Variants in DMD observed in about 807,000 individuals in gnomAD.
The protein encoded by DMD is dystrophin, also known as mutant dystrophin.
In DMD, 63 loss-of-function variants were observed where a neutral mutation model predicts 330.1. The ratio of observed to expected loss-of-function variants is 0.19; its 90% confidence interval spans 0.16 to 0.24. The LOEUF (loss-of-function observed/expected upper bound fraction) is 0.24. Among genes scored for constraint, DMD ranks in the 10% least tolerant of loss-of-function variants. DMD has a pLI of 1.00. For missense variants in DMD, 3,344 were observed against 2,684.1 expected, an observed-to-expected ratio of 1.25 and a Z score of -5.43; for synonymous variants, 1,223 against 959.8, an observed-to-expected ratio of 1.27 and a Z score of -5.07.
chrX:32,573,260 T>C (rs1225258668), intron 15 of DMD, among the ~76,000 whole-genome samples: 2 of 112,124 alleles, frequency 1.8e-5, no homozygotes, highest in East Asian at 5.6e-4. Flanking sequence ...CACAGACATT[T>C]CTTAGTATTA....
At chrX:31,989,813 CTA>C (rs2095537397) in intron 44 of DMD, among the ~76,000 whole-genome samples, 3 of 110,842 alleles carry the variant, frequency 2.7e-5, no homozygotes, top group African/African-American at 9.9e-5. Context: ...TTTTTAATCT[CTA>C]TTTTTAATGT....
intron 30 of DMD, among the ~76,000 whole-genome samples, chrX:32,398,240 G>T (rs973809631): frequency 9.9e-6 from 1 of 101,187 alleles, no homozygotes; most frequent in Non-Finnish European, 2.0e-5. Context: ...AATTCACACA[G>T]CTTTGTACTA....
intron 11 of DMD, among the ~76,000 whole-genome samples, chrX:32,632,821 C>T (rs1273882378): frequency 1.8e-5 from 2 of 112,348 alleles, no homozygotes; most frequent in African/African-American, 6.5e-5. Flanking sequence ...CCATTCTGTC[C>T]TCTTAGGCCT....
chrX:32,811,641 G>C (rs1409697383), intron 6 of DMD, among the ~76,000 whole-genome samples: 2 of 111,655 alleles, frequency 1.8e-5, no homozygotes, highest in Non-Finnish European at 3.8e-5. Flanking sequence ...TGATAATAGA[G>C]AAAATGCAAA....
intron 1 of DMD, among the ~76,000 whole-genome samples, chrX:33,224,352 G>A (rs2052245153): frequency 9.0e-6 from 1 of 111,653 alleles, no homozygotes; most frequent in Non-Finnish European, 1.9e-5. Flanking sequence ...GTAGGTGAAT[G>A]GATAAATAAA....
chrX:32,833,545 G>A (rs1419914865), intron 4 of DMD, among the ~76,000 whole-genome samples: 4 of 109,358 alleles, frequency 3.7e-5, no homozygotes, highest in Middle Eastern at 4.7e-3. Context: ...TAGTATGAAA[G>A]ATATATATAC....
intron 7 of DMD, among the ~76,000 whole-genome samples, chrX:32,752,314 C>T (rs1032746619): frequency 9.9e-5 from 11 of 111,267 alleles, no homozygotes; most frequent in African/African-American, 3.3e-4. Flanking sequence ...TCTCTTGCAT[C>T]AGCATGACCT....
At chrX:32,994,051 T>TG (rs746561961) in intron 2 of DMD, among the ~76,000 whole-genome samples, 4 of 108,311 alleles carry the variant, frequency 3.7e-5, no homozygotes, top group Non-Finnish European at 7.7e-5. Flanking sequence ...GTAATAAAGT[T>TG]GGGGTGGGGG....
At chrX:32,996,803 C>A (rs1419115883) in intron 2 of DMD, among the ~76,000 whole-genome samples, 75 of 100,254 alleles carry the variant, frequency 7.5e-4, no homozygotes, top group Non-Finnish European at 5.8e-4. Flanking sequence ...GGCGACAGAG[C>A]AAGACTGTTT....
intron 25 of DMD, among the ~76,000 whole-genome samples, chrX:32,456,957 T>C (rs1688947165): frequency 5.2e-5 from 2 of 38,531 alleles, no homozygotes; most frequent in Non-Finnish European, 1.3e-4. Flanking sequence ...GTCCAGATTG[T>C]TAAAAAAAAA....
chrX:32,338,990 T>C (rs185517306), intron 41 of DMD, among the ~76,000 whole-genome samples: 13 of 112,565 alleles, frequency 1.2e-4, no homozygotes, highest in African/African-American at 4.2e-4. Context: ...ATTCTCTTAA[T>C]GACTTATGAA....
At chrX:32,046,439 A>C (rs1346882940) in intron 44 of DMD, among the ~76,000 whole-genome samples, 1 of 112,557 alleles carries the variant, frequency 8.9e-6, no homozygotes, top group Non-Finnish European at 1.9e-5. Context: ...CTATTTATTC[A>C]AGTTTATCAA....
chrX:31,284,856 ACACACACC>A (rs1199726340), intron 62 of DMD, among the ~76,000 whole-genome samples: 4 of 106,952 alleles, frequency 3.7e-5, no homozygotes, highest in African/African-American at 1.4e-4. Flanking sequence ...ACACACACAC[ACACACACC>A]CACACCCACA....
chrX:31,983,101 C>T (rs1169183660), intron 44 of DMD, among the ~76,000 whole-genome samples: 2 of 109,837 alleles, frequency 1.8e-5, no homozygotes, highest in African/African-American at 6.5e-5. Flanking sequence ...AAACATGCTG[C>T]CTTTTGCAAA....
intron 55 of DMD, among the ~76,000 whole-genome samples, chrX:31,593,599 A>C (rs1226028553): frequency 9.0e-6 from 1 of 111,118 alleles, no homozygotes; most frequent in African/African-American, 3.2e-5. Context: ...TAAAACCCAA[A>C]AACTATGAAG....
intron 77 of DMD, among the ~76,000 whole-genome samples, chrX:31,126,907 C>T (rs2033790191): frequency 2.7e-5 from 3 of 110,109 alleles, no homozygotes; most frequent in South Asian, 3.9e-4. Flanking sequence ...TAACATGATC[C>T]AGAAGACGTC....
At chrX:32,683,691 T>C (rs1362148234) in intron 9 of DMD, among the ~76,000 whole-genome samples, 1 of 103,921 alleles carries the variant, frequency 9.6e-6, no homozygotes, top group Admixed American at 1.0e-4. Flanking sequence ...ATACCTAATG[T>C]TAAATGATGA....
At chrX:31,271,208 G>C in intron 62 of DMD, among the ~76,000 whole-genome samples, 1 of 111,688 alleles carries the variant, frequency 9.0e-6, no homozygotes, top group African/African-American at 3.3e-5. Context: ...GGTTAGGAAA[G>C]AGATGATGAA....
chrX:32,012,601 A>G (rs2095718686), intron 44 of DMD, among the ~76,000 whole-genome samples: 2 of 112,002 alleles, frequency 1.8e-5, no homozygotes, highest in Admixed American at 9.5e-5. Flanking sequence ...TTCCAAGAAT[A>G]GAAATCTGAT....
Sources: gnomAD v4.1 joint callset for allele counts (sites outside exome capture counted in the v4.1 genomes callset) on GRCh38, gnomAD v4.1.1 for gene constraint, MANE v1.5 for transcripts, NCBI Gene and HGNC (gene_info 2026-07-23, HGNC 2026-07-21) for gene names.